Variants in TTLL10 observed in about 807,000 individuals in gnomAD.
The protein encoded by TTLL10 is tubulin tyrosine ligase like 10, also known as inactive polyglycylase TTLL10.
In TTLL10, 61 loss-of-function variants were observed where a neutral mutation model predicts 69.0. That is an observed-to-expected ratio of 0.88 (90% CI 0.72 to 1.09). The LOEUF (loss-of-function observed/expected upper bound fraction) is 1.09, where lower values mean the gene tolerates loss of function less well. Ranked by LOEUF, TTLL10 falls within the 50% of genes least tolerant of loss-of-function variation. The probability of loss-of-function intolerance (pLI) is 0.00; values close to 1 mark genes in which losing one functional copy is unlikely to be tolerated. For missense variants in TTLL10, 962 were observed against 945.9 expected (o/e 1.02, Z -0.22); for synonymous variants, 408 against 393.3 (o/e 1.04, Z -0.44).
chr1:1,177,929 G>C (rs1646924737), intron 3 of TTLL10, among the ~76,000 whole-genome samples: 1 of 152,190 alleles, frequency 6.6e-6, no homozygotes, highest in South Asian at 2.1e-4. Context: ...GGCTCTCCCA[G>C]ACACAGGTGG....
In TTLL10 at chr1:1,179,176, A is replaced by G. The variant is rs1266922665; in HGVS notation, c.-27-13A>G. 6.7e-7 allele frequency: 1 copy of G among 1,485,338 alleles called. No individual in the cohort carries two copies. Among genetic ancestry groups the G allele is most frequent in the Non-Finnish European group, 9.0e-7 (1 of 1,108,844 alleles). The allele number at this position is 1,485,338 out of a possible 1,614,324, so 92.0% of individuals were successfully genotyped here. ...GGTCCCACAGGAGGGTCAGAGCGGC[A>G]TCTTCCCTTCAGGGCCCTCGCCCGG... On this transcript the variant is annotated splice_polypyrimidine_tract_variant and intron_variant, in intron 3 of 15. Transcript: ENST00000379289.
In TTLL10 at chr1:1,180,128, G is replaced by A. The variant is rs756608588; in HGVS notation, c.294G>A (p.Gly98=). The change falls in exon 6 of 16, where the codon GGG becomes GGA. Residue 98 remains glycine (G), a synonymous_variant. Coordinates refer to ENST00000379289, the MANE Select transcript of TTLL10 (RefSeq NM_001130045.2). ...QPDHDADGHC[G]PDLEGAERAS... is the part of the protein sequence containing the mutation. Reference sequence around the variant, plus strand: ...ACCACGACGCAGATGGACACTGTGGGCCGGACCTGGAGGGGGCAGAAAGAG... The same window carrying A: ...ACCACGACGCAGATGGACACTGTGGACCGGACCTGGAGGGGGCAGAAAGAG... 2 of 1,611,392 alleles carry A rather than the reference G, an allele frequency of 1.2e-6. No homozygotes were observed. The highest frequency in any genetic ancestry group is 2.2e-5 in the South Asian group (2 of 90,792).
chr1:1,194,234 A>T (rs1194471329), intron 13 of TTLL10, among the ~76,000 whole-genome samples: 2 of 152,204 alleles, frequency 1.3e-5, no homozygotes, highest in African/African-American at 2.4e-5. Flanking sequence ...ACAAAAACAC[A>T]CTGCTCCTAA....
intron 3 of TTLL10, among the ~76,000 whole-genome samples, chr1:1,178,487 G>T (rs1646940175): frequency 6.6e-6 from 1 of 151,832 alleles, no homozygotes; most frequent in African/African-American, 2.4e-5. Context: ...CTTGAACCTG[G>T]GAGGCAGAGG....
At chr1:1,182,476 G>A in intron 10 of TTLL10, 30 bp downstream of exon 10, 1 of 1,610,124 alleles carries the variant, frequency 6.2e-7, no homozygotes, top group Non-Finnish European at 8.5e-7. Context: ...ACACCAGGCT[G>A]GCCCTGGGGA....
Position 1,183,920 on chromosome 1 carries a change from G to A in TTLL10, c.1089G>A (p.Arg363=). The A allele has an allele frequency of 1.2e-6, 2 of 1,614,134 alleles. No homozygotes were observed. Among genetic ancestry groups the A allele is most frequent in the Non-Finnish European group, 1.7e-6 (2 of 1,180,020 alleles). ...FRGPQARVVQ[R]YIQNPLLVDG... is the part of the protein sequence containing the mutation. ...AGCAGCCCCGACATGGTGCCCCCAG[G>A]TACATCCAGAACCCGCTGCTGGTGG... The change falls in exon 12 of 16, where the codon AGG becomes AGA. Residue 363 remains arginine, a splice_region_variant and synonymous_variant. Transcript: ENST00000379289.
rs572053288 is a variant in TTLL10, at chr1:1,190,490, C to T, written c.1401+5381C>T. Among the ~76,000 whole-genome samples, 2 of 150,840 alleles carry T rather than the reference C, an allele frequency of 1.3e-5. 1 individual carries two copies. The highest frequency in any genetic ancestry group is 4.2e-4 in the South Asian group (2 of 4,790). ...TCGCCCAAGCTGGAGTGCAGTGGCA[C>T]GATTTCAGCTCACTGCAACCTCTGC... On this transcript the variant is annotated intron_variant, in intron 13 of 15. Coordinates refer to ENST00000379289, the MANE Select transcript of TTLL10 (RefSeq NM_001130045.2).
intron 12 of TTLL10, among the ~76,000 whole-genome samples, chr1:1,184,438 C>T (rs1647188964): frequency 6.6e-6 from 1 of 152,224 alleles, no homozygotes; most frequent in South Asian, 2.1e-4. Context: ...GATTCTGAGG[C>T]TGTCAGAGGA....
intron 13 of TTLL10, among the ~76,000 whole-genome samples, chr1:1,194,479 G>A (rs1648057014): frequency 1.3e-5 from 2 of 152,176 alleles, no homozygotes; most frequent in African/African-American, 4.8e-5. Context: ...TCCAGTTACT[G>A]TCTAGTGTCT....
Position 1,183,120 on chromosome 1 carries a change from G to A in TTLL10, c.1088+73G>A, listed in dbSNP as rs1350995295. On this transcript the variant is annotated intron_variant, in intron 11 of 15. Transcript: ENST00000379289. ...CGGGCCCCACTGGTGCAGTCAGCAG[G>A]GCCGCCGAGGAGCCCTTGGTCGTGG... 6 of 1,484,384 alleles carry A rather than the reference G, an allele frequency of 4.0e-6. No individual in the cohort carries two copies. In the East Asian group the frequency reaches 1.2e-4, roughly 31 times the overall value. 92.0% of individuals were successfully genotyped at this position (1,484,384 alleles called of 1,614,324 possible).
intron 13 of TTLL10, among the ~76,000 whole-genome samples, chr1:1,188,565 C>T (rs1033586351): frequency 7.9e-5 from 12 of 152,066 alleles, no homozygotes; most frequent in African/African-American, 1.9e-4. Context: ...CCACCACGCT[C>T]GGCTAATTTT....
Position 1,196,685 on chromosome 1 carries a change from G to C in TTLL10, c.1487G>C (p.Gly496Ala). 6.4e-7 allele frequency: 1 copy of C among 1,552,074 alleles called. No individual in the cohort carries two copies. The highest frequency in any genetic ancestry group is 8.7e-7 in the Non-Finnish European group (1 of 1,147,004). ...DCKLGYFDLI[G>A]CDFLIDDNFK... Reference sequence around the variant, plus strand: ...AAGCTGGGTTACTTTGACCTCATTGGCTGTGACTTCCTGATTGATGACAAC... The same window carrying C: ...AAGCTGGGTTACTTTGACCTCATTGCCTGTGACTTCCTGATTGATGACAAC... The change falls in exon 14 of 16, where the codon GGC becomes GCC. Residue 496 changes from glycine (G) to alanine (A), a missense_variant. Transcript: ENST00000379289.
In TTLL10 at chr1:1,180,626, G is replaced by A. The variant is rs531145120; in HGVS notation, c.625+25G>A. 6.6e-5 allele frequency: 102 copies of A among 1,552,146 alleles called. 1 individual carries two copies. The South Asian group carries it at 7.2e-4, about 11-fold the overall frequency. ...GGTAGCGGGAGCCGGCACCAGAGGC[G>A]GGCAGCCTGCAGGGGCCTCCTGGGC... On this transcript the variant is annotated intron_variant, in intron 7 of 15. Transcript: ENST00000379289.
In TTLL10 at chr1:1,197,925, C is replaced by T; in HGVS notation, c.*78C>T. On this transcript the variant is annotated 3_prime_UTR_variant, in exon 16 of 16. Transcript: ENST00000379289. ...TGCCCTCAGGGACCTATAAAGCCCA[C>T]TTTGCTACAAACACAGTCTCTGCAG... 7.4e-7 allele frequency: 1 copy of T among 1,356,548 alleles called. No homozygotes were observed. The highest frequency in any genetic ancestry group is 1.7e-5 in the South Asian group (1 of 58,524). 84.0% of individuals were successfully genotyped at this position (1,356,548 alleles called of 1,614,324 possible).
At chr1:1,196,751 G>T in intron 14 of TTLL10, 35 bp downstream of exon 14, 1 of 1,419,174 alleles carries the variant, frequency 7.0e-7, no homozygotes, top group South Asian at 1.2e-5. Flanking sequence ...ACAGTAGACA[G>T]ATGCAAGGAG....
rs909662293 is a variant in TTLL10, at chr1:1,185,128, C to A, written c.1401+19C>A. On this transcript the variant is annotated intron_variant, in intron 13 of 15. Transcript: ENST00000379289. The surrounding 1 kb of genome is among the most constrained non-coding windows in gnomAD (Gnocchi z 6.1). ...CCTCAAGGTGCGTCCACTGTGCCCTCCAGTCTGGGAGTGAGATCCCTCGGG... is the reference window on the plus strand; with the variant it reads ...CCTCAAGGTGCGTCCACTGTGCCCTACAGTCTGGGAGTGAGATCCCTCGGG... 10 of 1,608,676 alleles carry A rather than the reference C, an allele frequency of 6.2e-6. No individual in the cohort carries two copies. Among genetic ancestry groups the A allele is most frequent in the Non-Finnish European group, 7.6e-6 (9 of 1,176,872 alleles).
intron 4 of TTLL10, 57 bp from the exon 5 acceptor site, chr1:1,179,600 A>G (rs1646978773): frequency 6.5e-7 from 1 of 1,548,696 alleles, no homozygotes; most frequent in Non-Finnish European, 8.7e-7. Context: ...CGGCCTGACA[A>G]TGGCCCCTTG....
At chr1:1,186,551 C>A (rs1170864032) in intron 13 of TTLL10, among the ~76,000 whole-genome samples, 1 of 152,220 alleles carries the variant, frequency 6.6e-6, no homozygotes, top group Middle Eastern at 3.4e-3. Flanking sequence ...TGGGAAAATA[C>A]CCAGGAATGG....
intron 6 of TTLL10, 26 bp from the exon 7 acceptor site, chr1:1,180,457 G>GCCCCCCCCCCCC: frequency 6.6e-7 from 1 of 1,520,732 alleles, no homozygotes; most frequent in Non-Finnish European, 8.9e-7. Flanking sequence ...CGGCCCCCAG[G>GCCCCCCCCCCCC]TCACCCCCGC....
Sources: allele counts gnomAD v4.1 joint callset (sites outside exome capture counted in the v4.1 genomes callset), GRCh38; gene constraint gnomAD v4.1.1; non-coding constraint Gnocchi (gnomAD v3.1); transcripts MANE v1.5; gene names NCBI Gene and HGNC (gene_info 2026-07-23, HGNC 2026-07-21).